Variants in BCAR3 observed in about 807,000 individuals in gnomAD.
BCAR3 encodes the protein breast cancer anti-estrogen resistance protein 3.
In BCAR3, 37 loss-of-function variants were observed where a neutral mutation model predicts 80.1. The observed-to-expected ratio is 0.46, with a 90% confidence interval of 0.36 to 0.61. The LOEUF is 0.61. Ranked by LOEUF, BCAR3 falls within the 20% of genes least tolerant of loss-of-function variation. BCAR3 has a pLI of 0.00. For missense variants in BCAR3, 978 were observed against 1,068.2 expected, an observed-to-expected ratio of 0.92 and a Z score of 1.18; for synonymous variants, 389 against 418.9, an observed-to-expected ratio of 0.93 and a Z score of 0.87.
At chr1:93,781,956 CAG>C (rs1393039952) in intron 2 of BCAR3, among the ~76,000 whole-genome samples, 1 of 152,134 alleles carries the variant, frequency 6.6e-6, no homozygotes, top group Non-Finnish European at 1.5e-5. Flanking sequence ...TTGGGGCAAA[CAG>C]GAGCTGCTGG....
chr1:93,629,330 A>G (rs1158906943), intron 3 of BCAR3, among the ~76,000 whole-genome samples: 1 of 152,154 alleles, frequency 6.6e-6, no homozygotes, highest in Non-Finnish European at 1.5e-5. Context: ...TCAGATACCA[A>G]ATCACAATTC....
chr1:93,572,418 A>C (rs1408971244), intron 8 of BCAR3, among the ~76,000 whole-genome samples: 2 of 152,240 alleles, frequency 1.3e-5, no homozygotes, highest in African/African-American at 4.8e-5. Context: ...AGGAGGATAA[A>C]GATTGAATAG....
chr1:93,736,925 C>T (rs1029217510), intron 2 of BCAR3, among the ~76,000 whole-genome samples: 7 of 152,226 alleles, frequency 4.6e-5, no homozygotes, highest in African/African-American at 1.7e-4. Context: ...GGTCCATCTG[C>T]ATCAGAATCA....
At chr1:93,758,706 T>A (rs1013463775) in intron 2 of BCAR3, among the ~76,000 whole-genome samples, 1 of 152,228 alleles carries the variant, frequency 6.6e-6, no homozygotes, top group African/African-American at 2.4e-5. Context: ...AGGAGTGATG[T>A]CTGCCTATCA....
intron 2 of BCAR3, among the ~76,000 whole-genome samples, chr1:93,718,382 A>T (rs1650262280): frequency 6.6e-6 from 1 of 152,210 alleles, no homozygotes; most frequent in African/African-American, 2.4e-5. Flanking sequence ...AAGCGCTGGC[A>T]TGTGGTGCAG....
At chr1:93,804,288 G>A (rs1261658831) in intron 2 of BCAR3, among the ~76,000 whole-genome samples, 1 of 152,146 alleles carries the variant, frequency 6.6e-6, no homozygotes, top group African/African-American at 2.4e-5. Flanking sequence ...TTGTAAAAAT[G>A]AAATTTTTGT....
chr1:93,770,117 G>T (rs1048140800), intron 2 of BCAR3, among the ~76,000 whole-genome samples: 1 of 152,188 alleles, frequency 6.6e-6, no homozygotes, highest in African/African-American at 2.4e-5. Flanking sequence ...GGGACAGAAG[G>T]TGGCTCAACT....
chr1:93,616,208 C>A (rs1302373791), intron 3 of BCAR3, among the ~76,000 whole-genome samples: 1 of 152,136 alleles, frequency 6.6e-6, no homozygotes, highest in East Asian at 1.9e-4. Flanking sequence ...ATTTGTTCCA[C>A]CGGGATTAAA....
intron 2 of BCAR3, among the ~76,000 whole-genome samples, chr1:93,742,724 A>G (rs1011295147): frequency 3.6e-4 from 55 of 152,238 alleles, no homozygotes; most frequent in Non-Finnish European, 6.5e-4. Context: ...AACCACTGAC[A>G]AGACCTTCCT....
rs1673960991 is a variant in BCAR3, at chr1:93,586,836, T to C, written c.929+2141A>G. ...ACCTTTTCATATGCCTGTTTGCCACTGCAGTGGCATGATCTCGGCTCACTG... is the reference window on the plus strand; with the variant it reads ...ACCTTTTCATATGCCTGTTTGCCACCGCAGTGGCATGATCTCGGCTCACTG... On this transcript the variant is annotated intron_variant, in intron 5 of 11. Coordinates refer to ENST00000260502, the MANE Select transcript of BCAR3 (RefSeq NM_003567.4). The surrounding 1 kb of genome is among the most constrained non-coding windows in gnomAD (Gnocchi z 4.2). Among the ~76,000 whole-genome samples the C allele has an allele frequency of 6.6e-6, 1 of 152,278 alleles. No individual in the cohort carries two copies. The highest frequency in any genetic ancestry group is 2.1e-4 in the South Asian group (1 of 4,832).
upstream of BCAR3, among the ~76,000 whole-genome samples, chr1:93,686,023 A>C (rs1168721336): frequency 6.6e-6 from 1 of 152,012 alleles, no homozygotes; most frequent in Non-Finnish European, 1.5e-5. Flanking sequence ...TCTTTGTGCT[A>C]TGAGCTTCAC....
At position 93,831,120 on chromosome 1, in the gene BCAR3, C is replaced by T. The variant is rs114782647; in HGVS notation, c.-63+14447G>A. On this transcript the variant is annotated intron_variant, in intron 2 of 13. Coordinates refer to the BCAR3 transcript ENST00000370244. ...CTGTGGGGACGCCTGCCTGATTATTCGCCCATACTCCATTGGTGTCTGATC... is the reference window on the plus strand; with the variant it reads ...CTGTGGGGACGCCTGCCTGATTATTTGCCCATACTCCATTGGTGTCTGATC... Among the ~76,000 whole-genome samples the T allele has an allele frequency of 4.5e-3, 679 of 152,228 alleles. 9 individuals are homozygous for T. Among genetic ancestry groups the T allele is most frequent in the African/African-American group, 0.015 (632 of 41,510 alleles).
chr1:93,830,820 G>A (rs1196986142), intron 2 of BCAR3, among the ~76,000 whole-genome samples: 2 of 152,116 alleles, frequency 1.3e-5, no homozygotes, highest in Non-Finnish European at 2.9e-5. Flanking sequence ...CACTCTGTGA[G>A]GAGATCCACC....
intron 2 of BCAR3, among the ~76,000 whole-genome samples, chr1:93,822,261 T>C (rs2100821138): frequency 6.7e-6 from 1 of 149,576 alleles, no homozygotes; most frequent in South Asian, 2.1e-4. Flanking sequence ...CACTGCAACC[T>C]CCACCTCCCA....
intron 2 of BCAR3, among the ~76,000 whole-genome samples, chr1:93,837,598 A>G (rs1654815512): frequency 6.6e-6 from 1 of 152,174 alleles, no homozygotes. Flanking sequence ...TCCAGGATCC[A>G]TCTTGTTGCA....
intron 2 of BCAR3, among the ~76,000 whole-genome samples, chr1:93,814,662 C>T (rs1653955944): frequency 6.6e-6 from 1 of 152,250 alleles, no homozygotes; most frequent in South Asian, 2.1e-4. Flanking sequence ...GGGGTCACCA[C>T]TGGTGTGTGT....
chr1:93,645,803 T>A (rs895446293), intron 2 of BCAR3, among the ~76,000 whole-genome samples: 1 of 151,500 alleles, frequency 6.6e-6, no homozygotes, highest in African/African-American at 2.4e-5. Flanking sequence ...AAATTTATTT[T>A]AATTTCCCTC....
At chr1:93,771,903 A>G (rs901242299) in intron 2 of BCAR3, among the ~76,000 whole-genome samples, 1 of 152,178 alleles carries the variant, frequency 6.6e-6, no homozygotes, top group South Asian at 2.1e-4. Context: ...CTAAGATTGC[A>G]CCATGTCCAT....
chr1:93,715,835 G>C (rs1314092702), intron 2 of BCAR3, among the ~76,000 whole-genome samples: 2 of 152,184 alleles, frequency 1.3e-5, no homozygotes, highest in Non-Finnish European at 2.9e-5. Context: ...AAAAGCTGTA[G>C]GCTTGGCCTT....
Sources: gnomAD v4.1 joint callset for allele counts (sites outside exome capture counted in the v4.1 genomes callset) on GRCh38, gnomAD v4.1.1 for gene constraint, Gnocchi (gnomAD v3.1) non-coding constraint, MANE v1.5 for transcripts, NCBI Gene and HGNC (gene_info 2026-07-23, HGNC 2026-07-21) for gene names.